The following TENM4 variants were observed in gnomAD, a reference collection of about 807,000 sequenced individuals.
TENM4 encodes the protein teneurin-4.
Under a neutral mutation model 243.3 loss-of-function variants are expected in TENM4, and 82 were observed. The ratio of observed to expected loss-of-function variants is 0.34; its 90% CI spans 0.28 to 0.40. The LOEUF (loss-of-function observed/expected upper bound fraction) is 0.40, where lower values mean the gene tolerates loss of function less well. TENM4 is among the 10% of genes least tolerant of loss of function. The probability of loss-of-function intolerance (pLI) is 1.00; values close to 1 mark genes in which losing one functional copy is unlikely to be tolerated. For missense variants in TENM4, 3,138 were observed against 3,673.3 expected (o/e 0.85, Z 3.77); for synonymous variants, 1,412 against 1,456.3 (o/e 0.97, Z 0.69).
At chr11:79,136,330 G>A (rs1862109761) in intron 4 of TENM4, among the ~76,000 whole-genome samples, 1 of 152,144 alleles carries the variant, frequency 6.6e-6, no homozygotes, top group Non-Finnish European at 1.5e-5. Context: ...TAATCAAGTG[G>A]ATAGGATGAT....
chr11:78,658,697 C>G lies in TENM4; in HGVS notation c.7671G>C (p.Lys2557Asn). 4 of 1,614,034 alleles carry G rather than the reference C, an allele frequency of 2.5e-6. No individual in the cohort carries two copies. Among genetic ancestry groups the G allele is most frequent in the Non-Finnish European group, 3.4e-6 (4 of 1,179,906 alleles). The change falls in exon 34 of 34, where the codon AAG becomes AAC. Residue 2557 changes from lysine to asparagine, a missense_variant. By Grantham distance (94) the Lys-to-Asn change is moderately conservative. Transcript: ENST00000278550. The stretch of plus-strand genomic sequence containing the variant: ...AGACTGAGCCGCTGGATGCAAACTT[C>G]TTGGTCTTTGGAGCCTGCTGGCAGC... ...ITSCQQAPKT[K>N]KFASSGSVFG...
intron 4 of TENM4, among the ~76,000 whole-genome samples, chr11:79,074,443 C>A (rs1402058188): frequency 6.6e-6 from 1 of 152,152 alleles, no homozygotes; most frequent in Non-Finnish European, 1.5e-5. Flanking sequence ...GGCACATATC[C>A]ATGCCTAAAC....
At chr11:79,190,230 G>A (rs1371572126) in intron 3 of TENM4, among the ~76,000 whole-genome samples, 2 of 152,150 alleles carry the variant, frequency 1.3e-5, no homozygotes, top group Non-Finnish European at 2.9e-5. Context: ...ACAAACTCCC[G>A]TGGCTGCCTC....
chr11:78,803,007 T>C (rs1184981669), intron 15 of TENM4, among the ~76,000 whole-genome samples: 2 of 151,990 alleles, frequency 1.3e-5, no homozygotes, highest in Non-Finnish European at 2.9e-5. Flanking sequence ...ATTGAGCTCA[T>C]ATAATGGGCC....
chr11:78,727,993 T>C (rs1855558224), intron 22 of TENM4, among the ~76,000 whole-genome samples: 1 of 152,092 alleles, frequency 6.6e-6, no homozygotes, highest in Admixed American at 6.5e-5. Context: ...TGGCCTTGAG[T>C]TCCTTAAGCA....
chr11:78,957,732 G>A (rs1273065837), intron 6 of TENM4, among the ~76,000 whole-genome samples: 4 of 152,162 alleles, frequency 2.6e-5, no homozygotes, highest in Middle Eastern at 3.2e-3. Flanking sequence ...ACCCATGGAC[G>A]GCCCAGCATC....
intron 19 of TENM4, among the ~76,000 whole-genome samples, chr11:78,740,334 A>G (rs1292387734): frequency 2.0e-5 from 3 of 152,060 alleles, no homozygotes; most frequent in Non-Finnish European, 2.9e-5. Flanking sequence ...AAGAACAACT[A>G]CCCACAATGC....
chr11:79,177,853 G>A (rs1377170071), intron 3 of TENM4, among the ~76,000 whole-genome samples: 1 of 152,176 alleles, frequency 6.6e-6, no homozygotes, highest in Non-Finnish European at 1.5e-5. Context: ...GGGCCCTGCT[G>A]TGACAGATGT....
At chr11:78,753,455 G>C (rs778349452) in intron 19 of TENM4, among the ~76,000 whole-genome samples, 1 of 152,210 alleles carries the variant, frequency 6.6e-6, no homozygotes, top group African/African-American at 2.4e-5. Flanking sequence ...CTGGGTAGTT[G>C]ATTTCACTTT....
intron 1 of TENM4, among the ~76,000 whole-genome samples, chr11:79,391,000 T>C (rs1858221847): frequency 1.3e-5 from 2 of 152,216 alleles, no homozygotes; most frequent in Admixed American, 6.5e-5. Flanking sequence ...AGCCTGGCTT[T>C]AGTGGACATG....
At chr11:79,211,696 T>G (rs1863960136) in intron 3 of TENM4, among the ~76,000 whole-genome samples, 1 of 152,258 alleles carries the variant, frequency 6.6e-6, no homozygotes. Context: ...TAAGGGTTTA[T>G]TATTGTTAAT....
chr11:78,768,693 C>T (rs768249101), intron 18 of TENM4, among the ~76,000 whole-genome samples: 1 of 152,240 alleles, frequency 6.6e-6, no homozygotes, highest in Non-Finnish European at 1.5e-5. Flanking sequence ...TCTCCCACAA[C>T]TGGGGATTTT....
chr11:79,288,432 T>C (rs1366592185), intron 2 of TENM4, among the ~76,000 whole-genome samples: 1 of 152,256 alleles, frequency 6.6e-6, no homozygotes, highest in Admixed American at 6.5e-5. Flanking sequence ...TCTGCAGTTA[T>C]TCACAATGAC....
At chr11:78,908,107 C>T (rs866587249) in intron 6 of TENM4, among the ~76,000 whole-genome samples, 11 of 152,252 alleles carry the variant, frequency 7.2e-5, no homozygotes, top group Middle Eastern at 3.4e-3. Context: ...CCTGGCTGCA[C>T]CTCCCTGAAC....
At chr11:79,309,706 G>A (rs79927604) in intron 1 of TENM4, among the ~76,000 whole-genome samples, 5,317 of 152,292 alleles carry the variant, frequency 0.035, 301 homozygotes, top group African/African-American at 0.12. Flanking sequence ...GTGGCTCACT[G>A]GGGCTGGAAG....
At chr11:78,729,788 T>C (rs1855608302) in intron 21 of TENM4, 145 bp from the exon 22 acceptor site, 2 of 1,073,640 alleles carry the variant, frequency 1.9e-6, no homozygotes, top group South Asian at 3.5e-5. Context: ...GAGGAGACAG[T>C]GGAAAGAAGA....
At chr11:78,867,282 A>G (rs1471851957) in intron 9 of TENM4, among the ~76,000 whole-genome samples, 1 of 151,986 alleles carries the variant, frequency 6.6e-6, no homozygotes, top group East Asian at 1.9e-4. Flanking sequence ...TCTGGTAACC[A>G]TCCTTCTACT....
At chr11:79,103,068 T>C (rs1204865868) in intron 4 of TENM4, among the ~76,000 whole-genome samples, 2 of 152,172 alleles carry the variant, frequency 1.3e-5, no homozygotes, top group Admixed American at 1.3e-4. Flanking sequence ...CATCCTGCCT[T>C]GAAGCCAGAT....
intron 6 of TENM4, among the ~76,000 whole-genome samples, chr11:78,965,265 G>A (rs948915529): frequency 6.6e-6 from 1 of 151,944 alleles, no homozygotes; most frequent in Non-Finnish European, 1.5e-5. Flanking sequence ...GCATGAGCAG[G>A]TGGTTAGTGT....
Sources: allele counts gnomAD v4.1 joint callset (sites outside exome capture counted in the v4.1 genomes callset), GRCh38; gene constraint gnomAD v4.1.1; transcripts MANE v1.5; gene names NCBI Gene and HGNC (gene_info 2026-07-23, HGNC 2026-07-21).